The following LPGAT1 variants were observed in gnomAD, a reference collection of about 807,000 sequenced individuals.
LPGAT1 encodes acyl-CoA:lysophosphatidylglycerol acyltransferase 1.
A neutral mutation model predicts 47.5 loss-of-function variants in LPGAT1; 11 were observed. The observed-to-expected ratio is 0.23, with a 90% CI of 0.15 to 0.38. LPGAT1 has a LOEUF of 0.38. Among genes scored for constraint, LPGAT1 ranks in the 10% least tolerant of loss-of-function variants. The probability of loss-of-function intolerance (pLI) is 1.00; values close to 1 mark genes in which losing one functional copy is unlikely to be tolerated. For missense variants in LPGAT1, 293 were observed against 439.0 expected, an observed-to-expected ratio of 0.67 and a Z score of 2.97; for synonymous variants, 138 against 144.2, an observed-to-expected ratio of 0.96 and a Z score of 0.31.
In LPGAT1 at chr1:211,761,446, C is replaced by T. The variant is rs184888178; in HGVS notation, c.855-10379G>A. On this transcript the variant is annotated intron_variant, in intron 6 of 7. Coordinates refer to ENST00000366997, the MANE Select transcript of LPGAT1 (RefSeq NM_014873.3). ...TTAGGGAAAAGTTAAAGAGGGATTA[C>T]AAGAAAAAAAAATCTATTTTTTCTC... Among the ~76,000 whole-genome samples the T allele has an allele frequency of 1.3e-4, 20 of 151,662 alleles. No individual in the cohort carries two copies. The South Asian group carries it at 2.5e-3, about 19-fold the overall frequency.
intron 4 of LPGAT1, among the ~76,000 whole-genome samples, chr1:211,784,865 G>A (rs1199539225): frequency 2.0e-5 from 3 of 148,378 alleles, no homozygotes; most frequent in Non-Finnish European, 1.5e-5. Context: ...GTGCAGTGGT[G>A]CGATCTCGGG....
intron 2 of LPGAT1, among the ~76,000 whole-genome samples, chr1:211,799,678 G>A (rs897515661): frequency 6.6e-6 from 1 of 152,162 alleles, no homozygotes; most frequent in Non-Finnish European, 1.5e-5. Flanking sequence ...GCAACAATAA[G>A]GAGGGGTAGA....
chr1:211,811,602 C>A (rs2102588243), intron 2 of LPGAT1, among the ~76,000 whole-genome samples: 1 of 152,220 alleles, frequency 6.6e-6, no homozygotes, highest in East Asian at 1.9e-4. Context: ...ACAAAAAATA[C>A]AAAAATTAGC....
intron 6 of LPGAT1, among the ~76,000 whole-genome samples, chr1:211,764,042 T>A (rs1025039703): frequency 3.3e-5 from 5 of 152,042 alleles, no homozygotes; most frequent in African/African-American, 1.2e-4. Flanking sequence ...CGTGATGGCA[T>A]GTGCCTGTAA....
chr1:211,761,204 A>G (rs1657684691), intron 6 of LPGAT1, among the ~76,000 whole-genome samples: 1 of 152,228 alleles, frequency 6.6e-6, no homozygotes, highest in Non-Finnish European at 1.5e-5. Flanking sequence ...AGGATTATCT[A>G]GCTTTTCTTT....
At position 211,830,701 on chromosome 1, in the gene LPGAT1, G is replaced by C; in HGVS notation, c.-156C>G. The C allele has an allele frequency of 1.5e-5, 18 of 1,187,710 alleles. No individual in the cohort carries two copies. Among genetic ancestry groups the C allele is most frequent in the Non-Finnish European group, 1.9e-5 (18 of 959,568 alleles). The allele number at this position is 1,187,710 out of a possible 1,614,324, so 73.6% of individuals were successfully genotyped here. On this transcript the variant is annotated 5_prime_UTR_variant, in exon 1 of 8. Coordinates refer to ENST00000366997, the MANE Select transcript of LPGAT1 (RefSeq NM_014873.3). This position sits in a 1 kb window ranked among gnomAD's most constrained non-coding sequence, Gnocchi z 5.9. The stretch of plus-strand genomic sequence containing the variant: ...CCCCGCTCCGGCTGTGGCGCGGCCC[G>C]CGCCCGTTCCCCGGCGGCGCCGAGA...
In LPGAT1 at chr1:211,830,502, C is replaced by T. The variant is rs1382267278; in HGVS notation, c.-28+71G>A. ...CACGCGACGACGACACCCCCTTCCC[C>T]GCCCCCAGCGCCTCCCCTGGCCCGG... On this transcript the variant is annotated intron_variant, in intron 1 of 7. Coordinates refer to ENST00000366997, the MANE Select transcript of LPGAT1 (RefSeq NM_014873.3). The surrounding 1 kb of genome is among the most constrained non-coding windows in gnomAD (Gnocchi z 5.9). The T allele has an allele frequency of 8.4e-7, 1 of 1,196,788 alleles. No homozygotes were observed. Among genetic ancestry groups the T allele is most frequent in the East Asian group, 3.5e-5 (1 of 28,772 alleles). 74.1% of individuals were successfully genotyped at this position (1,196,788 alleles called of 1,614,324 possible).
intron 2 of LPGAT1, among the ~76,000 whole-genome samples, chr1:211,823,941 C>CAA (rs1161160344): frequency 3.0e-4 from 32 of 107,078 alleles, no homozygotes; most frequent in Middle Eastern, 5.4e-3. Flanking sequence ...ATCTGTCTCT[C>CAA]AAAAAAAAAA....
chr1:211,769,888 T>C (rs771196327), intron 6 of LPGAT1, among the ~76,000 whole-genome samples: 3 of 152,124 alleles, frequency 2.0e-5, no homozygotes, highest in East Asian at 1.9e-4. Context: ...TCCTATGACT[T>C]AGAATGCCTT....
At chr1:211,827,561 T>C (rs376193533) in intron 2 of LPGAT1, among the ~76,000 whole-genome samples, 2 of 152,148 alleles carry the variant, frequency 1.3e-5, no homozygotes, top group African/African-American at 4.8e-5. Context: ...TATAAGCTAA[T>C]TTAAAACAAG....
intron 4 of LPGAT1, among the ~76,000 whole-genome samples, chr1:211,786,215 T>C (rs1658873106): frequency 6.6e-6 from 1 of 152,252 alleles, no homozygotes; most frequent in African/African-American, 2.4e-5. Flanking sequence ...GTTTCCAAAA[T>C]GAAATGATAT....
At chr1:211,773,276 T>G (rs1466396783) in intron 6 of LPGAT1, among the ~76,000 whole-genome samples, 1 of 152,194 alleles carries the variant, frequency 6.6e-6, no homozygotes, top group Non-Finnish European at 1.5e-5. Context: ...GATATATCAT[T>G]TCTTTTATCA....
At chr1:211,780,025 A>G (rs1223644245) in intron 5 of LPGAT1, among the ~76,000 whole-genome samples, 1 of 151,354 alleles carries the variant, frequency 6.6e-6, no homozygotes, top group East Asian at 1.9e-4. Flanking sequence ...TAAAAATACA[A>G]AATTAGCCAG....
At chr1:211,763,905 C>G (rs1023481377) in intron 6 of LPGAT1, among the ~76,000 whole-genome samples, 6 of 152,214 alleles carry the variant, frequency 3.9e-5, no homozygotes, top group African/African-American at 1.4e-4. Context: ...GGTGCCATGG[C>G]TCATGCCTGT....
intron 6 of LPGAT1, among the ~76,000 whole-genome samples, chr1:211,761,852 A>C (rs1657711433): frequency 6.6e-6 from 1 of 152,204 alleles, no homozygotes. Flanking sequence ...CATAGTTACT[A>C]CTGCACAAAA....
intron 2 of LPGAT1, among the ~76,000 whole-genome samples, chr1:211,813,757 C>T (rs1343766306): frequency 2.6e-5 from 4 of 152,172 alleles, no homozygotes; most frequent in African/African-American, 4.8e-5. Flanking sequence ...AGCTTCTTAG[C>T]TGGAGGGGAG....
At chr1:211,757,388 C>G (rs1198460441) in intron 6 of LPGAT1, among the ~76,000 whole-genome samples, 2 of 152,160 alleles carry the variant, frequency 1.3e-5, no homozygotes, top group East Asian at 3.8e-4. Context: ...TGGGGCTAAT[C>G]ATATTACTTA....
rs1660643841 is a variant in LPGAT1, at chr1:211,829,319, T to C, written c.-23A>G. 2 of 1,612,696 alleles carry C rather than the reference T, an allele frequency of 1.2e-6. No homozygotes were observed. Among genetic ancestry groups the C allele is most frequent in the African/African-American group, 1.3e-5 (1 of 74,974 alleles). ...CATTCTCACACTGGACTCCGTCCTG[T>C]CTTTCTGGGGTGAAAGAAAAATTCA... On this transcript the variant is annotated 5_prime_UTR_variant, in exon 2 of 8. Coordinates refer to ENST00000366997, the MANE Select transcript of LPGAT1 (RefSeq NM_014873.3).
chr1:211,791,512 G>C (rs1659107634), intron 3 of LPGAT1, among the ~76,000 whole-genome samples: 1 of 152,104 alleles, frequency 6.6e-6, no homozygotes, highest in Non-Finnish European at 1.5e-5. Context: ...GGGAGGCCAA[G>C]AGTGGGTGGA....
Sources: gnomAD v4.1 joint callset for allele counts (sites outside exome capture counted in the v4.1 genomes callset) on GRCh38, gnomAD v4.1.1 for gene constraint, Gnocchi (gnomAD v3.1) non-coding constraint, MANE v1.5 for transcripts, NCBI Gene and HGNC (gene_info 2026-07-23, HGNC 2026-07-21) for gene names.